UFD1: variants seen among roughly 807,000 people sequenced by gnomAD.
The protein encoded by UFD1 is ubiquitin recognition factor in ER-associated degradation protein 1.
In UFD1, 13 loss-of-function variants were observed where a neutral mutation model predicts 45.9. The ratio of observed to expected loss-of-function variants is 0.28; its 90% CI spans 0.18 to 0.45. The LOEUF (loss-of-function observed/expected upper bound fraction) is 0.45. Ranked by LOEUF, UFD1 falls within the 20% of genes least tolerant of loss-of-function variation. UFD1 has a pLI of 1.00. For synonymous variants in UFD1, 128 were observed against 139.2 expected (o/e 0.92, Z 0.56); for missense variants, 218 against 389.2 (o/e 0.56, Z 3.70).
intron 1 of UFD1, among the ~76,000 whole-genome samples, chr22:19,477,786 T>C (rs893212784): frequency 2.0e-5 from 3 of 152,200 alleles, no homozygotes; most frequent in Non-Finnish European, 4.4e-5. Context: ...AGCAGTTTAC[T>C]AGCAACTCCA....
chr22:19,453,010 G>A (rs1601884929), intron 11 of UFD1: 2 of 978,764 alleles, frequency 2.0e-6, no homozygotes, highest in East Asian at 2.3e-4. Context: ...TTTGGTTTCT[G>A]TGGCTGTTCT....
chr22:19,467,196 TAAAA>T (rs751220169), intron 5 of UFD1: 2 of 145,138 alleles, frequency 1.4e-5, no homozygotes, highest in African/African-American at 2.6e-5. Flanking sequence ...TAAAAAAAAA[TAAAA>T]AAAAAGAAGT....
chr22:19,475,227 G>T, intron 2 of UFD1, 127 bp from the exon 3 acceptor site: 1 of 1,107,554 alleles, frequency 9.0e-7, no homozygotes, highest in Non-Finnish European at 1.3e-6. Flanking sequence ...GAATGTCCCA[G>T]TGATCTTTCA....
At chr22:19,460,002 G>A (rs574199662) in intron 6 of UFD1, among the ~76,000 whole-genome samples, 1 of 152,010 alleles carries the variant, frequency 6.6e-6, no homozygotes, top group Admixed American at 6.5e-5. Flanking sequence ...CTCCCAAAGT[G>A]CTGGGATTAC....
At chr22:19,477,752 A>T (rs1453635092) in intron 1 of UFD1, among the ~76,000 whole-genome samples, 2 of 152,176 alleles carry the variant, frequency 1.3e-5, no homozygotes, top group East Asian at 3.8e-4. Flanking sequence ...TATATTTAGT[A>T]GAAGGAATGC....
At chr22:19,461,657 G>A (rs561435546) in intron 6 of UFD1, among the ~76,000 whole-genome samples, 1 of 152,198 alleles carries the variant, frequency 6.6e-6, no homozygotes, top group African/African-American at 2.4e-5. Flanking sequence ...AATGAGTTGG[G>A]GGATATGTTC....
At chr22:19,454,198 A>G (rs2089704663) in intron 11 of UFD1, 1 of 987,422 alleles carries the variant, frequency 1.0e-6, no homozygotes, top group Non-Finnish European at 1.2e-6. Flanking sequence ...CCATGCTGCA[A>G]GTCTTCTGTT....
At chr22:19,452,096 G>T (rs1380532241) in intron 11 of UFD1, 2 of 290,008 alleles carry the variant, frequency 6.9e-6, no homozygotes, top group Non-Finnish European at 1.0e-5. Flanking sequence ...GTCTGCTAGG[G>T]CTGCCATATA....
At chr22:19,472,524 A>G (rs2146307166) in intron 3 of UFD1, among the ~76,000 whole-genome samples, 1 of 152,332 alleles carries the variant, frequency 6.6e-6, no homozygotes, top group East Asian at 1.9e-4. Flanking sequence ...AAGCAAGGCC[A>G]GAGGCAAGTA....
chr22:19,456,931 G>A lies in UFD1; in HGVS notation c.565-13C>T, dbSNP rs1438344664. 2 of 1,549,226 alleles carry A rather than the reference G, an allele frequency of 1.3e-6. No homozygotes were observed. Among genetic ancestry groups the A allele is most frequent in the Admixed American group, 1.9e-5 (1 of 53,054 alleles). On this transcript the variant is annotated splice_polypyrimidine_tract_variant and intron_variant, in intron 7 of 11. Transcript: ENST00000263202. ...CATCAAAGTCCACCTGTGTTTCCAG[G>A]ATTTTAAAAGTAAAATATTGAGACA...
At chr22:19,457,530 C>T (rs1020823631) in intron 7 of UFD1, among the ~76,000 whole-genome samples, 2 of 152,100 alleles carry the variant, frequency 1.3e-5, no homozygotes, top group Admixed American at 1.3e-4. Context: ...ATTCACTCCT[C>T]GGCCAGGCGC....
intron 1 of UFD1, among the ~76,000 whole-genome samples, chr22:19,476,966 C>T (rs144526946): frequency 0.04 from 5,375 of 133,602 alleles, 135 homozygotes; most frequent in African/African-American, 0.073. Context: ...GAGATCGTGC[C>T]ACTGCACTCC....
At chr22:19,478,515 C>T (rs971753275) in intron 1 of UFD1, among the ~76,000 whole-genome samples, 1 of 152,144 alleles carries the variant, frequency 6.6e-6, no homozygotes, top group Admixed American at 6.5e-5. Flanking sequence ...AAGAAATAAG[C>T]CGCGATGAGG....
At chr22:19,468,390 G>C (rs968146346) in intron 4 of UFD1, among the ~76,000 whole-genome samples, 2 of 152,198 alleles carry the variant, frequency 1.3e-5, no homozygotes, top group Non-Finnish European at 2.9e-5. Context: ...TAGGACAAAA[G>C]CAGCACAAGG....
chr22:19,450,802 C>G, intron 11 of UFD1, 58 bp from the exon 12 acceptor site: 2 of 1,612,712 alleles, frequency 1.2e-6, no homozygotes, highest in East Asian at 4.5e-5. Flanking sequence ...ACAATAAATG[C>G]CTTACTCTAT....
intron 4 of UFD1, among the ~76,000 whole-genome samples, chr22:19,469,749 C>T (rs900288556): frequency 2.6e-5 from 4 of 152,212 alleles, no homozygotes; most frequent in African/African-American, 9.6e-5. Flanking sequence ...GTATACCTGT[C>T]ACCCGCCTGC....
Position 19,450,811 on chromosome 22 carries a change from A to G in UFD1, c.850-67T>C, listed in dbSNP as rs972525202. 9.9e-6 allele frequency: 16 copies of G among 1,611,782 alleles called. No homozygotes were observed. The African/African-American group carries it at 1.7e-4, about 18-fold the overall frequency. ...AGGTTTACAATAAATGCCTTACTCT[A>G]TGGACTCACGTACCATCCACATTAC... On this transcript the variant is annotated intron_variant, in intron 11 of 11. Transcript: ENST00000263202.
At position 19,475,096 on chromosome 22, in the gene UFD1, A is replaced by C; in HGVS notation, c.141T>G (p.Ile47Met). Residue 47 changes from isoleucine to methionine, a missense_variant, in exon 3 of 12, where the codon ATT (isoleucine) becomes ATG (methionine). Ile to Met is a conservative substitution (Grantham distance 10). This residue lies in a region of UFD1 where 149 missense variants were observed against 307.5 expected (regional missense o/e 0.48). Coordinates refer to ENST00000263202, the MANE Select transcript of UFD1 (RefSeq NM_005659.7). ...RSDVEKGGKI[I>M]MPPSALDQLS... The stretch of plus-strand genomic sequence containing the variant: ...GTTGGTCCAGGGCCGAGGGTGGCAT[A>C]ATTACTGTGGAAAGAACATTTAAGA... 1 of 1,609,496 alleles carries C rather than the reference A, an allele frequency of 6.2e-7. No individual in the cohort carries two copies. Among genetic ancestry groups the C allele is most frequent in the Non-Finnish European group, 8.5e-7 (1 of 1,178,548 alleles).
At chr22:19,457,967 C>G in intron 7 of UFD1, 104 bp downstream of exon 7, 3 of 1,165,060 alleles carry the variant, frequency 2.6e-6, no homozygotes, top group East Asian at 2.4e-5. Flanking sequence ...TACCCAGAGT[C>G]CCAGGGGCTG....
Sources: gnomAD v4.1 joint callset for allele counts (sites outside exome capture counted in the v4.1 genomes callset) on GRCh38, gnomAD v4.1.1 for gene constraint, gnomAD v4.1.1 regional missense constraint, MANE v1.5 for transcripts, NCBI Gene and HGNC (gene_info 2026-07-23, HGNC 2026-07-21) for gene names.